Variants in EYS observed in about 807,000 individuals in gnomAD.
EYS encodes the protein EGF-like photoreceptor maintenance factor.
A neutral mutation model predicts 282.1 loss-of-function variants in EYS; 250 were observed. That is an observed-to-expected ratio of 0.89 (90% CI 0.80 to 0.98). EYS has a LOEUF of 0.98. EYS is among the 50% of genes least tolerant of loss of function. EYS has a pLI of 0.00. For missense variants in EYS, 4,016 were observed against 3,709.0 expected, an observed-to-expected ratio of 1.08 and a Z score of -2.15; for synonymous variants, 1,355 against 1,282.9, an observed-to-expected ratio of 1.06 and a Z score of -1.20.
chr6:64,028,679 CCCT>C (rs1222710793), intron 33 of EYS, among the ~76,000 whole-genome samples: 19 of 152,184 alleles, frequency 1.2e-4, no homozygotes, highest in Non-Finnish European at 4.4e-5. Flanking sequence ...TTAGGGATAG[CCCT>C]CATCTGTTTG....
intron 33 of EYS, among the ~76,000 whole-genome samples, chr6:64,009,640 T>C (rs549625562): frequency 6.6e-6 from 1 of 152,306 alleles, no homozygotes; most frequent in Admixed American, 6.5e-5. Flanking sequence ...ATCTTTTTAT[T>C]GTACTCCTTA....
chr6:64,777,896 A>T (rs1773728729), intron 22 of EYS, among the ~76,000 whole-genome samples: 1 of 152,168 alleles, frequency 6.6e-6, no homozygotes, highest in Non-Finnish European at 1.5e-5. Flanking sequence ...AGTAGATAAT[A>T]TTACAGTATC....
intron 30 of EYS, among the ~76,000 whole-genome samples, chr6:64,245,061 AGT>A (rs1766967860): frequency 7.0e-6 from 1 of 142,810 alleles, no homozygotes; most frequent in African/African-American, 2.6e-5. Flanking sequence ...CCTACCTTTG[AGT>A]GAGAACATGC....
intron 12 of EYS, among the ~76,000 whole-genome samples, chr6:65,231,401 G>T (rs2150268357): frequency 6.6e-6 from 1 of 151,282 alleles, no homozygotes; most frequent in African/African-American, 2.4e-5. Flanking sequence ...TTCTAAAATT[G>T]TTCTATGTCG....
At chr6:64,605,737 G>T (rs530547398) in intron 24 of EYS, among the ~76,000 whole-genome samples, 116 of 151,920 alleles carry the variant, frequency 7.6e-4, no homozygotes, top group African/African-American at 2.7e-3. Context: ...CAAATTGTTT[G>T]ATCTTTCCTA....
At position 64,645,960 on chromosome 6, in the gene EYS, G is replaced by C. The variant is rs145679455; in HGVS notation, c.3444-19715C>G. On this transcript the variant is annotated intron_variant, in intron 22 of 42. Coordinates refer to ENST00000503581, the MANE Select transcript of EYS (RefSeq NM_001142800.2). ...AAAGTATATTTTTAAATCTTTTAATGTTTCTGCTAAAATAGAAAATGTGTT... is the reference window on the plus strand; with the variant it reads ...AAAGTATATTTTTAAATCTTTTAATCTTTCTGCTAAAATAGAAAATGTGTT... 2.0e-3 allele frequency among the ~76,000 whole-genome samples: 308 copies of C among 152,212 alleles called. 12 individuals carry two copies. The East Asian group carries it at 0.053, about 26-fold the overall frequency.
intron 29 of EYS, among the ~76,000 whole-genome samples, chr6:64,347,299 A>G (rs1261222960): frequency 6.6e-6 from 1 of 151,504 alleles, no homozygotes; most frequent in Non-Finnish European, 1.5e-5. Flanking sequence ...TTGTGAAACT[A>G]ACTAGATATA....
chr6:64,643,124 A>G (rs1768228906), intron 22 of EYS, among the ~76,000 whole-genome samples: 1 of 141,598 alleles, frequency 7.1e-6, no homozygotes, highest in Non-Finnish European at 1.6e-5. Context: ...CCCCCCCCCA[A>G]AAAAAAACAA....
intron 19 of EYS, among the ~76,000 whole-genome samples, chr6:64,838,606 T>C (rs1228740322): frequency 3.5e-5 from 4 of 114,126 alleles, no homozygotes; most frequent in African/African-American, 9.9e-5. Flanking sequence ...CTTCCTCTCT[T>C]TCTGTTTCTC....
chr6:65,258,376 C>G (rs905523479), intron 12 of EYS, among the ~76,000 whole-genome samples: 2 of 152,002 alleles, frequency 1.3e-5, no homozygotes, highest in Admixed American at 6.6e-5. Flanking sequence ...TATAGGTAAT[C>G]TTCTGAGAAA....
At chr6:65,353,253 T>C (rs1181610528) in intron 9 of EYS, among the ~76,000 whole-genome samples, 1 of 152,060 alleles carries the variant, frequency 6.6e-6, no homozygotes, top group Admixed American at 6.6e-5. Flanking sequence ...TTATCTCTCT[T>C]GCACCAAGTA....
In EYS at chr6:65,405,070, T is replaced by C. The variant is rs1766668435; in HGVS notation, c.1056+104A>G. On this transcript the variant is annotated intron_variant, in intron 6 of 42. Coordinates refer to ENST00000503581, the MANE Select transcript of EYS (RefSeq NM_001142800.2). ...TTCTTGTTCGTCTGAGTTTAACAAT[T>C]AAACTACCTTAATAAGGATTCTAAT... 3 of 806,336 alleles carry C rather than the reference T, an allele frequency of 3.7e-6. 1 individual carries two copies. In the South Asian group the frequency reaches 5.0e-5, roughly 13 times the overall value. 49.9% of individuals were successfully genotyped at this position (806,336 alleles called of 1,614,324 possible). A position where few individuals can be genotyped will look rare whatever the true frequency, so the allele number is the denominator to read the frequency against.
In EYS at chr6:63,720,865, T is replaced by C. The variant is rs757350552; in HGVS notation, c.9166A>G (p.Ile3056Val). The C allele has an allele frequency of 3.9e-5, 61 of 1,551,138 alleles. No individual in the cohort carries two copies. Among genetic ancestry groups the C allele is most frequent in the Non-Finnish European group, 5.0e-5 (57 of 1,146,660 alleles). ...AGACTGTTATTTATGTAGGCCTTGA[T>C]AAGAGTCTGATTTTGAATTACAACT... ...HVVVIQNQTLIKAYINNSLIL... is the reference protein window; with the variant it reads ...HVVVIQNQTLVKAYINNSLIL... Residue 3056 changes from isoleucine to valine, a missense_variant, in exon 43 of 43, where the codon ATC becomes GTC. Ile to Val is a conservative substitution (Grantham distance 29). Transcript: ENST00000503581.
chr6:63,855,151 A>G (rs1354898179), intron 36 of EYS, among the ~76,000 whole-genome samples: 1 of 152,222 alleles, frequency 6.6e-6, no homozygotes, highest in Non-Finnish European at 1.5e-5. Context: ...TGAAAGGGCA[A>G]TAGAGTACTG....
intron 22 of EYS, among the ~76,000 whole-genome samples, chr6:64,738,457 G>T (rs1439508454): frequency 6.6e-6 from 1 of 152,168 alleles, no homozygotes; most frequent in African/African-American, 2.4e-5. Context: ...GCAGAACTGT[G>T]AGCCAAATAA....
intron 12 of EYS, among the ~76,000 whole-genome samples, chr6:65,260,033 G>T (rs766468292): frequency 6.6e-6 from 1 of 152,030 alleles, no homozygotes; most frequent in Non-Finnish European, 1.5e-5. Context: ...AAGTAAAGAG[G>T]TTTAATTGAC....
At position 65,402,517 on chromosome 6, in the gene EYS, T is replaced by C. The variant is rs144935927; in HGVS notation, c.1145A>G (p.Asn382Ser). ...TSCESFPLRN[N>S]ATCKKCEKDY... Reference sequence around the variant, plus strand: ...TTTCTCACATTTCTTACATGTAGCATTATTCCTCAAAGGAAATGACTCACA... The same window carrying C: ...TTTCTCACATTTCTTACATGTAGCACTATTCCTCAAAGGAAATGACTCACA... Residue 382 changes from asparagine (N) to serine (S), a missense_variant, in exon 7 of 43, where the codon AAT (asparagine) becomes AGT (serine). Coordinates refer to ENST00000503581, the MANE Select transcript of EYS (RefSeq NM_001142800.2). 2 of 1,540,854 alleles carry C rather than the reference T, an allele frequency of 1.3e-6. No individual in the cohort carries two copies. The highest frequency in any genetic ancestry group is 1.7e-5 in the Admixed American group (1 of 59,686).
At chr6:64,758,980 T>C (rs1444807588) in intron 22 of EYS, among the ~76,000 whole-genome samples, 1 of 151,884 alleles carries the variant, frequency 6.6e-6, no homozygotes. Flanking sequence ...CTACTAAAAA[T>C]ACAAAAAAAT....
intron 12 of EYS, among the ~76,000 whole-genome samples, chr6:65,163,845 A>G (rs1277239273): frequency 6.6e-6 from 1 of 151,278 alleles, no homozygotes; most frequent in Admixed American, 6.6e-5. Flanking sequence ...TGCATTGTCC[A>G]TGACAGTTTT....
Sources: gnomAD v4.1 joint callset for allele counts (sites outside exome capture counted in the v4.1 genomes callset) on GRCh38, gnomAD v4.1.1 for gene constraint, MANE v1.5 for transcripts, NCBI Gene and HGNC (gene_info 2026-07-23, HGNC 2026-07-21) for gene names.